Variants in AFG2A observed in about 807,000 individuals in gnomAD.
The protein encoded by AFG2A is ATPase family gene 2 protein homolog A.
At chr4:122,931,493 C>A in the AFG2A span, among the ~76,000 whole-genome samples, 1 of 151,800 alleles carries the variant, frequency 6.6e-6, no homozygotes, top group East Asian at 1.9e-4. Flanking sequence ...ATATATGTAG[C>A]GTATGTATAT....
At chr4:122,992,488 C>A in the AFG2A span, among the ~76,000 whole-genome samples, 1 of 152,184 alleles carries the variant, frequency 6.6e-6, no homozygotes, top group Non-Finnish European at 1.5e-5. Flanking sequence ...ATTACATCTA[C>A]AAAAATTTCT....
the AFG2A span, among the ~76,000 whole-genome samples, chr4:123,252,202 T>C: frequency 6.6e-6 from 1 of 152,168 alleles, no homozygotes; most frequent in Non-Finnish European, 1.5e-5. Flanking sequence ...AAAACCCTTT[T>C]TTCCATTACA....
chr4:123,033,388 T>C, the AFG2A span, among the ~76,000 whole-genome samples: 7 of 152,212 alleles, frequency 4.6e-5, no homozygotes, highest in Non-Finnish European at 7.3e-5. Context: ...AATGGCTTTT[T>C]TCATTAATTA....
chr4:123,019,369 T>TGTA, the AFG2A span, among the ~76,000 whole-genome samples: 29 of 152,210 alleles, frequency 1.9e-4, no homozygotes, highest in African/African-American at 6.5e-4. Context: ...GAATGTAAAA[T>TGTA]TGTGAATATG....
chr4:123,140,899 T>TA, the AFG2A span, among the ~76,000 whole-genome samples: 11 of 151,928 alleles, frequency 7.2e-5, no homozygotes, highest in African/African-American at 2.4e-4. Context: ...ATGAAACTAC[T>TA]AAAAAAAATG....
the AFG2A span, among the ~76,000 whole-genome samples, chr4:123,171,318 A>G: frequency 6.6e-6 from 1 of 152,164 alleles, no homozygotes; most frequent in East Asian, 1.9e-4. Context: ...TTTTAAAGCA[A>G]TGCATAAAAG....
the AFG2A span, among the ~76,000 whole-genome samples, chr4:123,085,260 A>G: frequency 6.6e-6 from 1 of 152,042 alleles, no homozygotes; most frequent in Non-Finnish European, 1.5e-5. Context: ...GTTCTTATTG[A>G]TTTTTTTGCC....
the AFG2A span, among the ~76,000 whole-genome samples, chr4:123,100,540 C>A: frequency 6.6e-6 from 1 of 151,824 alleles, no homozygotes; most frequent in Admixed American, 6.6e-5. Context: ...GAAGTTGTAA[C>A]ATCCACCAAC....
At chr4:123,071,410 G>A in the AFG2A span, among the ~76,000 whole-genome samples, 1 of 152,062 alleles carries the variant, frequency 6.6e-6, no homozygotes, top group Non-Finnish European at 1.5e-5. Context: ...AACCCAGGAG[G>A]CGGAGGTTGC....
chr4:123,196,230 T>C, the AFG2A span, among the ~76,000 whole-genome samples: 1 of 147,126 alleles, frequency 6.8e-6, no homozygotes, highest in South Asian at 2.2e-4. Flanking sequence ...AGGATGGTCT[T>C]GATATCCTGA....
chr4:123,011,922 T>TCC, the AFG2A span, among the ~76,000 whole-genome samples: 2 of 102,606 alleles, frequency 1.9e-5, no homozygotes, highest in Non-Finnish European at 3.8e-5. Flanking sequence ...GGTGCTTGCT[T>TCC]CCCAGGAAAG....
At chr4:123,317,273 T>G in the AFG2A span, 1 of 149,806 alleles carries the variant, frequency 6.7e-6, no homozygotes, top group Non-Finnish European at 1.5e-5. Context: ...TGAGCTTACC[T>G]GCCCATGGCT....
chr4:123,010,672 A>G, the AFG2A span, among the ~76,000 whole-genome samples: 6 of 152,368 alleles, frequency 3.9e-5, no homozygotes, highest in East Asian at 5.8e-4. Flanking sequence ...AAGTTATAAA[A>G]ATGGTACAAT....
At chr4:123,022,899 A>G in the AFG2A span, among the ~76,000 whole-genome samples, 1 of 152,062 alleles carries the variant, frequency 6.6e-6, no homozygotes, top group East Asian at 1.9e-4. Flanking sequence ...CATGGATGAA[A>G]TTGGAAATCA....
the AFG2A span, among the ~76,000 whole-genome samples, chr4:123,100,584 C>T: frequency 1.3e-5 from 2 of 151,814 alleles, no homozygotes; most frequent in African/African-American, 4.8e-5. Context: ...TCTATCAGTA[C>T]ACAACTTAGT....
the AFG2A span, among the ~76,000 whole-genome samples, chr4:122,993,650 G>T: frequency 6.6e-6 from 1 of 151,934 alleles, no homozygotes; most frequent in African/African-American, 2.4e-5. Context: ...TATGATATAT[G>T]ACAAAAATTT....
chr4:123,215,469 T>C, the AFG2A span, among the ~76,000 whole-genome samples: 2 of 152,100 alleles, frequency 1.3e-5, no homozygotes, highest in African/African-American at 4.8e-5. Flanking sequence ...GATGTCATGG[T>C]CCAGTCCCTC....
the AFG2A span, among the ~76,000 whole-genome samples, chr4:123,020,008 G>A: frequency 6.6e-6 from 1 of 152,144 alleles, no homozygotes; most frequent in East Asian, 1.9e-4. Flanking sequence ...CTAGGTGAAT[G>A]GGTGGTTCCC....
At chr4:123,028,961 A>T in the AFG2A span, among the ~76,000 whole-genome samples, 1 of 152,244 alleles carries the variant, frequency 6.6e-6, no homozygotes, top group African/African-American at 2.4e-5. Flanking sequence ...AGGACCAGAT[A>T]TTAATTTTAT....
Sources: allele counts gnomAD v4.1 joint callset (sites outside exome capture counted in the v4.1 genomes callset), GRCh38; gene constraint gnomAD v4.1.1; transcripts MANE v1.5; gene names NCBI Gene and HGNC (gene_info 2026-07-23, HGNC 2026-07-21).